Variants in PWWP3A observed in about 807,000 individuals in gnomAD.
PWWP3A encodes the protein PWWP domain containing 3A, DNA repair factor.
In PWWP3A, 53 loss-of-function variants were observed where a neutral mutation model predicts 79.0. The observed-to-expected ratio is 0.67, with a 90% CI of 0.54 to 0.84. The LOEUF (loss-of-function observed/expected upper bound fraction) is 0.84. PWWP3A is among the 40% of genes least tolerant of loss of function. The probability of loss-of-function intolerance (pLI) is 0.00; values close to 1 mark genes in which losing one functional copy is unlikely to be tolerated. For missense variants in PWWP3A, 973 were observed against 948.0 expected, an observed-to-expected ratio of 1.03 and a Z score of -0.35; for synonymous variants, 443 against 394.4, an observed-to-expected ratio of 1.12 and a Z score of -1.46.
chr19:1,371,020 T>C lies in PWWP3A; in HGVS notation c.1928T>C (p.Val643Ala). ...GTCTACCAGGAGGTGGGGGCCAAGG[T>C]GCTCCAGCGCACCAACGGCGACCGG... Reference protein sequence around the residue: ...QGVYQEVGAKVLQRTNGDRIR... With the variant: ...QGVYQEVGAKALQRTNGDRIR... Residue 643 changes from valine (V) to alanine (A), a missense_variant, in exon 12 of 14, where the codon GTG becomes GCG. Coordinates refer to ENST00000591337, the MANE Select transcript of PWWP3A (RefSeq NM_001369789.1). 2.5e-6 allele frequency: 4 copies of C among 1,574,780 alleles called. No individual in the cohort carries two copies. Among genetic ancestry groups the C allele is most frequent in the Non-Finnish European group, 3.4e-6 (4 of 1,159,992 alleles).
intron 4 of PWWP3A, chr19:1,359,282 T>C (rs11668543): frequency 0.13 from 20,504 of 152,896 alleles, 1,391 homozygotes; most frequent in Middle Eastern, 0.19. Context: ...CTTCCAATGA[T>C]GTTTATAAAA....
At chr19:1,356,024 C>G (rs1003790899) in intron 1 of PWWP3A, among the ~76,000 whole-genome samples, 3 of 152,128 alleles carry the variant, frequency 2.0e-5, no homozygotes, top group Non-Finnish European at 4.4e-5. Context: ...AGGTCGGAGG[C>G]AGGTCTTCCG....
In PWWP3A at chr19:1,360,705, G is replaced by T; in HGVS notation, c.784G>T (p.Asp262Tyr). ...GTCCTTGCCCTCCGGGGTCAGGGAG[G>T]ACGATCCCTGTGCCAACGCTGAGGG... is the stretch of plus-strand genomic sequence containing the variant. ...APSLPSGVRE[D>Y]DPCANAEGHD... The change falls in exon 5 of 14, where the codon GAC (aspartate) becomes TAC (tyrosine). Residue 262 changes from aspartate (D) to tyrosine (Y), a missense_variant. Transcript: ENST00000591337. The surrounding 1 kb of genome is among the most constrained non-coding windows in gnomAD (Gnocchi z 4.4). 2.5e-6 allele frequency: 4 copies of T among 1,613,524 alleles called. No homozygotes were observed. Among genetic ancestry groups the T allele is most frequent in the Non-Finnish European group, 3.4e-6 (4 of 1,179,924 alleles).
intron 12 of PWWP3A, 118 bp from the exon 13 acceptor site, chr19:1,372,954 G>C: frequency 1.4e-6 from 1 of 740,448 alleles, no homozygotes. Flanking sequence ...CCATGAGCTA[G>C]ACCATGTCTG....
In PWWP3A at chr19:1,368,780, C is replaced by T. The variant is rs2082182194; in HGVS notation, c.1423-485C>T. Among the ~76,000 whole-genome samples, 1 of 152,236 alleles carries T rather than the reference C, an allele frequency of 6.6e-6. No homozygotes were observed. Among genetic ancestry groups the T allele is most frequent in the East Asian group, 1.9e-4 (1 of 5,190 alleles). On this transcript the variant is annotated intron_variant, in intron 9 of 13. Transcript: ENST00000591337. The surrounding 1 kb of genome is among the most constrained non-coding windows in gnomAD (Gnocchi z 4.7). ...TTATTTCCAGGACTTGATGTCCTGTCATGTGGCACAGTGGCCACAGGGGAG... is the reference window on the plus strand; with the variant it reads ...TTATTTCCAGGACTTGATGTCCTGTTATGTGGCACAGTGGCCACAGGGGAG...
intron 4 of PWWP3A, chr19:1,359,905 A>C: frequency 2.3e-6 from 1 of 428,856 alleles, no homozygotes; most frequent in Non-Finnish European, 4.1e-6. Context: ...AAGGTCAATA[A>C]ATTTGGTTTT....
rs1235277337 is a variant in PWWP3A, at chr19:1,368,087, G to T, written c.1422+867G>T. ...CTACAGGCAGGCACCAGCACACCCG[G>T]CTAATTTTTGTATTTTTAGTAGAGA... is the stretch of plus-strand genomic sequence containing the variant. On this transcript the variant is annotated intron_variant, in intron 9 of 13. Coordinates refer to ENST00000591337, the MANE Select transcript of PWWP3A (RefSeq NM_001369789.1). The surrounding 1 kb of genome is among the most constrained non-coding windows in gnomAD (Gnocchi z 4.7). 6.6e-6 allele frequency among the ~76,000 whole-genome samples: 1 copy of T among 152,068 alleles called. No homozygotes were observed. Among genetic ancestry groups the T allele is most frequent in the African/African-American group, 2.4e-5 (1 of 41,384 alleles).
intron 12 of PWWP3A, 133 bp from the exon 13 acceptor site, chr19:1,372,939 C>G: frequency 1.5e-6 from 1 of 671,178 alleles, no homozygotes; most frequent in South Asian, 1.8e-5. Flanking sequence ...TTTGCACCTT[C>G]TGAACCATGA....
At position 1,368,860 on chromosome 19, in the gene PWWP3A, C is replaced by T. The variant is rs1026745982; in HGVS notation, c.1423-405C>T. 1.4e-5 allele frequency among the ~76,000 whole-genome samples: 2 copies of T among 145,924 alleles called. No homozygotes were observed. The highest frequency in any genetic ancestry group is 5.3e-5 in the African/African-American group (2 of 37,836). ...GCCCAAGCCTTCGGGTCCCCGGTGC[C>T]CACCTGCGTTCAGACCAGCCCAAGC... On this transcript the variant is annotated intron_variant, in intron 9 of 13. Transcript: ENST00000591337. The surrounding 1 kb of genome is among the most constrained non-coding windows in gnomAD (Gnocchi z 4.7).
rs2082241990 is a variant in PWWP3A at position 1,370,890 on chromosome 19, C to T, written c.1798C>T (p.Arg600Cys). The T allele has an allele frequency of 1.9e-6, 3 of 1,555,868 alleles. No individual in the cohort carries two copies. Among genetic ancestry groups the T allele is most frequent in the African/African-American group, 1.4e-5 (1 of 73,460 alleles). ...CATCCTAAAGAGCAGGAAGCCATCT[C>T]GCTGGCTGCAGACCTTCCTGAGCTC... ...RAILKSRKPS[R>C]WLQTFLSSSQ... Residue 600 changes from arginine (R) to cysteine (C), a missense_variant, in exon 12 of 14, where the codon CGC becomes TGC. Physicochemically the swap from Arg to Cys is radical, Grantham distance 180 (BLOSUM62 -3). Coordinates refer to ENST00000591337, the MANE Select transcript of PWWP3A (RefSeq NM_001369789.1).
rs376603583 is a variant in PWWP3A, at chr19:1,366,328, T to G, written c.1308T>G (p.Asp436Glu). 1.2e-5 allele frequency: 19 copies of G among 1,614,066 alleles called. No individual in the cohort carries two copies. Among genetic ancestry groups the G allele is most frequent in the African/African-American group, 2.7e-5 (2 of 74,912 alleles). The change falls in exon 8 of 14, where the codon GAT becomes GAG. Residue 436 changes from aspartate (D) to glutamate (E), a missense_variant. Transcript: ENST00000591337. ...AGGTCAAAAGCGTCAGGCAGAGAGA[T>G]AAGAAAGCAAGTGTGCTATACATCG... is the stretch of plus-strand genomic sequence containing the variant. Reference protein sequence around the residue: ...PAVVKSVRQRDKKASVLYIEG... With the variant: ...PAVVKSVRQREKKASVLYIEG...
chr19:1,364,230 C>T (rs1014842295), intron 6 of PWWP3A: 19 of 606,368 alleles, frequency 3.1e-5, no homozygotes, highest in Non-Finnish European at 5.0e-5. Context: ...CGTGGCACCC[C>T]TCCCATCCCA....
At chr19:1,364,470 ATTC>A in intron 6 of PWWP3A, 36 bp from the exon 7 acceptor site, 1 of 1,494,330 alleles carries the variant, frequency 6.7e-7, no homozygotes, top group African/African-American at 1.4e-5. Context: ...TGACTTGTCT[ATTC>A]TTTTTTTTTT....
chr19:1,361,882 G>A (rs1600104265), intron 5 of PWWP3A: 2 of 216,380 alleles, frequency 9.2e-6, no homozygotes, highest in South Asian at 6.7e-5. Context: ...TCCTGTCCTG[G>A]CCCCCTCCCT....
At chr19:1,373,467 T>G (rs1299230807) in intron 13 of PWWP3A, 2 of 395,192 alleles carry the variant, frequency 5.1e-6, no homozygotes, top group East Asian at 9.7e-5. Flanking sequence ...TTTTGCACTT[T>G]CCTCCCCTCT....
chr19:1,372,997 G>C, intron 12 of PWWP3A, 75 bp from the exon 13 acceptor site: 1 of 1,316,978 alleles, frequency 7.6e-7, no homozygotes. Flanking sequence ...GGCTCCCTGC[G>C]GCCTTCTTAA....
At chr19:1,370,382 G>A (rs997515978) in intron 11 of PWWP3A, among the ~76,000 whole-genome samples, 1 of 152,210 alleles carries the variant, frequency 6.6e-6, no homozygotes, top group Non-Finnish European at 1.5e-5. Flanking sequence ...TGCTTGGGCA[G>A]TGCTGCACGG....
chr19:1,359,209 A>C (rs1394090039), intron 4 of PWWP3A: 2 of 155,756 alleles, frequency 1.3e-5, no homozygotes, highest in Non-Finnish European at 2.9e-5. Context: ...TCCTTCTCAA[A>C]GTGGAACTGT....
At chr19:1,363,999 T>A (rs779062346) in intron 6 of PWWP3A, among the ~76,000 whole-genome samples, 7 of 152,228 alleles carry the variant, frequency 4.6e-5, no homozygotes, top group Non-Finnish European at 7.3e-5. Context: ...TTGAAAATAT[T>A]TCATTCATAA....
Sources: allele counts gnomAD v4.1 joint callset (sites outside exome capture counted in the v4.1 genomes callset), GRCh38; gene constraint gnomAD v4.1.1; non-coding constraint Gnocchi (gnomAD v3.1); transcripts MANE v1.5; gene names NCBI Gene and HGNC (gene_info 2026-07-23, HGNC 2026-07-21).